The following IRAK2 variants were observed in gnomAD, a reference collection of about 807,000 sequenced individuals.
IRAK2 encodes interleukin-1 receptor-associated kinase-like 2.
In IRAK2, 57 loss-of-function variants were observed where a neutral mutation model predicts 72.0. The observed-to-expected ratio is 0.79, with a 90% CI of 0.64 to 0.99. The LOEUF is 0.99. Ranked by LOEUF, IRAK2 falls within the 50% of genes least tolerant of loss-of-function variation. The pLI is 0.00. For missense variants in IRAK2, 790 were observed against 794.4 expected (o/e 0.99, Z 0.07); for synonymous variants, 293 against 312.7 (o/e 0.94, Z 0.67).
At position 10,177,943 on chromosome 3, in the gene IRAK2, G is replaced by C; in HGVS notation, c.200G>C (p.Arg67Pro). ...GAGCTGCTGTGGTGGTGGGGCATGC[G>C]GCAGGCCACCGTCCAGCAACTTGTG... ...TRELLWWWGM[R>P]QATVQQLVDL... The change falls in exon 2 of 13, where the codon CGG (arginine) becomes CCG (proline). Residue 67 changes from arginine to proline, a missense_variant. Arg to Pro is a moderately radical substitution (Grantham distance 103). Transcript: ENST00000256458. 6.2e-7 allele frequency: 1 copy of C among 1,613,708 alleles called. No homozygotes were observed. Among genetic ancestry groups the C allele is most frequent in the Non-Finnish European group, 8.5e-7 (1 of 1,179,994 alleles).
In IRAK2 at chr3:10,234,502, T is replaced by C; in HGVS notation, c.1316T>C (p.Leu439Pro). 2 of 1,614,116 alleles carry C rather than the reference T, an allele frequency of 1.2e-6. No individual in the cohort carries two copies. The highest frequency in any genetic ancestry group is 1.7e-6 in the Non-Finnish European group (2 of 1,180,012). The change falls in exon 11 of 13, where the codon CTC (leucine) becomes CCC (proline). Residue 439 changes from leucine (L) to proline (P), a missense_variant. Coordinates refer to ENST00000256458, the MANE Select transcript of IRAK2 (RefSeq NM_001570.4). ...LSDIPSSTASLCSRKTGVENV... is the reference protein window; with the variant it reads ...LSDIPSSTASPCSRKTGVENV... ...GATATTCCAAGCAGCACCGCCTCGC[T>C]CTGCTCCAGGAAGACGGGCGTGGAG...
chr3:10,178,007 G>C lies in IRAK2; in HGVS notation c.264G>C (p.Gln88His). 6.2e-7 allele frequency: 1 copy of C among 1,609,128 alleles called. No individual in the cohort carries two copies. The change falls in exon 2 of 13, where the codon CAG becomes CAC. Residue 88 changes from glutamine (Q) to histidine (H), a missense_variant. Coordinates refer to ENST00000256458, the MANE Select transcript of IRAK2 (RefSeq NM_001570.4). ...LCRLELYRAA[Q>H]IILNWKPAPE... ...GCCTGGAGCTCTACCGGGCTGCCCAGATCATCCTGAACTGTGAGTAACTCA... is the reference window on the plus strand; with the variant it reads ...GCCTGGAGCTCTACCGGGCTGCCCACATCATCCTGAACTGTGAGTAACTCA...
intron 8 of IRAK2, among the ~76,000 whole-genome samples, chr3:10,221,544 C>T (rs981603352): frequency 7.9e-5 from 12 of 151,202 alleles, no homozygotes; most frequent in Middle Eastern, 3.4e-3. Flanking sequence ...TGAGCCACCG[C>T]GCCTGGCCAA....
intron 1 of IRAK2, among the ~76,000 whole-genome samples, chr3:10,168,215 A>AT (rs552806898): frequency 0.17 from 23,814 of 144,040 alleles, 2,058 homozygotes; most frequent in Middle Eastern, 0.2. Flanking sequence ...TCTTTTTTTA[A>AT]TTTTTTTTTT....
At chr3:10,238,133 GA>G (rs963520259) in intron 11 of IRAK2, among the ~76,000 whole-genome samples, 2 of 152,072 alleles carry the variant, frequency 1.3e-5, no homozygotes, top group African/African-American at 4.8e-5. Context: ...CAGACATAGG[GA>G]GGGGGAAGAA....
At chr3:10,184,768 C>T (rs1217561614) in intron 2 of IRAK2, among the ~76,000 whole-genome samples, 6 of 128,362 alleles carry the variant, frequency 4.7e-5, no homozygotes, top group Admixed American at 1.9e-4. Context: ...CTTGCTCTGT[C>T]GCCCAGGCTG....
intron 2 of IRAK2, among the ~76,000 whole-genome samples, chr3:10,196,830 C>G (rs1159895032): frequency 6.6e-6 from 1 of 152,078 alleles, no homozygotes; most frequent in South Asian, 2.1e-4. Flanking sequence ...CGTGGACATT[C>G]GTTGGTGAAA....
rs754337302 is a variant in IRAK2, at chr3:10,238,996, C to T, written c.1722C>T (p.Asp574=). 5.0e-6 allele frequency: 8 copies of T among 1,613,312 alleles called. No homozygotes were observed. The highest frequency in any genetic ancestry group is 6.8e-6 in the Non-Finnish European group (8 of 1,179,672). ...RLRVIVGREA[D]SSSEACVGLE... is the part of the protein sequence containing the mutation. ...GGGTCATCGTGGGAAGGGAGGCTGA[C>T]TCCTCCTCTGAGGCCTGTGTTGGCC... is the stretch of plus-strand genomic sequence containing the variant. Residue 574 remains aspartate (D), a synonymous_variant, in exon 12 of 13, where the codon GAC becomes GAT. Coordinates refer to ENST00000256458, the MANE Select transcript of IRAK2 (RefSeq NM_001570.4).
At chr3:10,236,341 G>GTTTTTTTTTTTTTTTTTTTTT (rs1338122281) in intron 11 of IRAK2, among the ~76,000 whole-genome samples, 1 of 125,236 alleles carries the variant, frequency 8.0e-6, no homozygotes, top group Non-Finnish European at 1.6e-5. Flanking sequence ...GAGCCACTAA[G>GTTTTTTTTTTTTTTTTTTTTT]GTTTTTTTTT....
intron 2 of IRAK2, among the ~76,000 whole-genome samples, chr3:10,195,154 G>C (rs165498): frequency 9.2e-5 from 14 of 152,176 alleles, no homozygotes; most frequent in Non-Finnish European, 1.8e-4. Context: ...TCTTCCCCAC[G>C]GGTGGAGCCC....
chr3:10,198,745 C>T (rs746826440), intron 2 of IRAK2, among the ~76,000 whole-genome samples: 17 of 152,040 alleles, frequency 1.1e-4, no homozygotes, highest in Non-Finnish European at 2.5e-4. Context: ...TTTAGAGAGG[C>T]ACAGTTGACC....
intron 6 of IRAK2, among the ~76,000 whole-genome samples, chr3:10,213,932 C>CT (rs1252892822): frequency 3.4e-5 from 5 of 147,312 alleles, no homozygotes; most frequent in Non-Finnish European, 4.5e-5. Flanking sequence ...CTTTTCTTTT[C>CT]TTTTTTTGTT....
intron 1 of IRAK2, among the ~76,000 whole-genome samples, chr3:10,172,716 T>C (rs558458510): frequency 2.7e-4 from 40 of 148,454 alleles, no homozygotes; most frequent in Admixed American, 2.4e-3. Flanking sequence ...CACATGCCTG[T>C]AGTCCCAGCT....
intron 1 of IRAK2, among the ~76,000 whole-genome samples, chr3:10,171,830 A>G (rs1692704030): frequency 6.6e-6 from 1 of 151,068 alleles, no homozygotes; most frequent in South Asian, 2.1e-4. Context: ...CAATGATGCA[A>G]TCTCAGCTCA....
chr3:10,216,783 T>G (rs1199198418), intron 6 of IRAK2, 151 bp from the exon 7 acceptor site: 2 of 628,880 alleles, frequency 3.2e-6, no homozygotes, highest in East Asian at 5.5e-5. Context: ...CTTTCCACCC[T>G]GGGGCCAGGC....
At chr3:10,233,713 T>C (rs920489584) in intron 10 of IRAK2, among the ~76,000 whole-genome samples, 1 of 152,202 alleles carries the variant, frequency 6.6e-6, no homozygotes, top group African/African-American at 2.4e-5. Flanking sequence ...TATCATGTAG[T>C]AAGTGCCATA....
intron 2 of IRAK2, among the ~76,000 whole-genome samples, chr3:10,192,823 G>T (rs759092099): frequency 6.6e-6 from 1 of 152,244 alleles, no homozygotes; most frequent in Admixed American, 6.5e-5. Flanking sequence ...GGAGGGTGAG[G>T]TAGGACAATC....
intron 10 of IRAK2, among the ~76,000 whole-genome samples, chr3:10,231,962 T>C (rs1401260182): frequency 6.6e-6 from 1 of 152,016 alleles, no homozygotes; most frequent in Non-Finnish European, 1.5e-5. Context: ...CCGTCTCTAC[T>C]AAAAATACAA....
At chr3:10,240,537 GCCCCCCC>G (rs781428702) in intron 12 of IRAK2, among the ~76,000 whole-genome samples, 4 of 9,138 alleles carry the variant, frequency 4.4e-4, no homozygotes, top group Admixed American at 1.9e-3. Flanking sequence ...AAATTAGGAA[GCCCCCCC>G]CCCCCCCCCC....
Sources: gnomAD v4.1 joint callset for allele counts (sites outside exome capture counted in the v4.1 genomes callset) on GRCh38, gnomAD v4.1.1 for gene constraint, MANE v1.5 for transcripts, NCBI Gene and HGNC (gene_info 2026-07-23, HGNC 2026-07-21) for gene names.